Variants in NBEA observed in about 807,000 individuals in gnomAD.
NBEA encodes the protein lysosomal-trafficking regulator 2.
A neutral mutation model predicts 343.4 loss-of-function variants in NBEA; 44 were observed. The ratio of observed to expected loss-of-function variants is 0.13; its 90% confidence interval spans 0.10 to 0.16. NBEA has a LOEUF of 0.16. Among genes scored for constraint, NBEA ranks in the 10% least tolerant of loss-of-function variants. The pLI is 1.00. For missense variants in NBEA, 2,555 were observed against 3,631.3 expected, an observed-to-expected ratio of 0.70 and a Z score of 7.62; for synonymous variants, 1,175 against 1,238.7, an observed-to-expected ratio of 0.95 and a Z score of 1.08.
chr13:35,596,160 A>G (rs755164811), intron 47 of NBEA, among the ~76,000 whole-genome samples: 4 of 151,810 alleles, frequency 2.6e-5, no homozygotes, highest in Non-Finnish European at 5.9e-5. Flanking sequence ...ATTCCCCTCT[A>G]TAGCATCAGA....
chr13:35,465,621 T>C (rs1251342602), intron 40 of NBEA, among the ~76,000 whole-genome samples: 2 of 152,170 alleles, frequency 1.3e-5, no homozygotes, highest in Non-Finnish European at 1.5e-5. Flanking sequence ...AAATGTAATA[T>C]AACTGGAAAC....
At position 35,511,088 on chromosome 13, in the gene NBEA, A is replaced by G. The variant is rs544399332; in HGVS notation, c.6585+38552A>G. On this transcript the variant is annotated intron_variant, in intron 41 of 58. Transcript: ENST00000379939. ...ATTGAAGGAAATGTATGTTTCTTTT[A>G]AAATAATGTGATCCATTTAAATATC... Among the ~76,000 whole-genome samples, 17 of 152,322 alleles carry G rather than the reference A, an allele frequency of 1.1e-4. No homozygotes were observed. In the South Asian group the frequency reaches 3.3e-3, roughly 30 times the overall value.
chr13:35,473,936 CA>C (rs1274463578), intron 41 of NBEA, among the ~76,000 whole-genome samples: 1 of 151,982 alleles, frequency 6.6e-6, no homozygotes, highest in Non-Finnish European at 1.5e-5. Flanking sequence ...CTTATATTAT[CA>C]AAAATGCTAC....
intron 1 of NBEA, among the ~76,000 whole-genome samples, chr13:34,995,997 C>G (rs2060928446): frequency 6.6e-6 from 1 of 152,296 alleles, no homozygotes; most frequent in African/African-American, 2.4e-5. Flanking sequence ...TAACTTGTAG[C>G]TGTTGAAGCT....
At chr13:35,471,564 A>G (rs991072511) in intron 40 of NBEA, among the ~76,000 whole-genome samples, 22 of 152,176 alleles carry the variant, frequency 1.4e-4, no homozygotes, top group Non-Finnish European at 2.4e-4. Flanking sequence ...CATTTAGGTA[A>G]TATCCCATTT....
At chr13:35,380,256 C>A (rs2152891372) in intron 38 of NBEA, among the ~76,000 whole-genome samples, 1 of 152,070 alleles carries the variant, frequency 6.6e-6, no homozygotes, top group Non-Finnish European at 1.5e-5. Flanking sequence ...ACCAGCCTCG[C>A]CAACATGGTG....
intron 33 of NBEA, among the ~76,000 whole-genome samples, chr13:35,223,498 ATTC>A (rs1285197378): frequency 6.6e-6 from 1 of 152,148 alleles, no homozygotes; most frequent in Non-Finnish European, 1.5e-5. Context: ...TGAGAATGTC[ATTC>A]TTATCTTTGT....
intron 34 of NBEA, among the ~76,000 whole-genome samples, chr13:35,285,668 C>T (rs2035371866): frequency 6.6e-6 from 1 of 152,276 alleles, no homozygotes; most frequent in South Asian, 2.1e-4. Flanking sequence ...CTTGCATTGT[C>T]ACCATCTTGA....
intron 58 of NBEA, among the ~76,000 whole-genome samples, chr13:35,669,648 G>A (rs2085513052): frequency 6.6e-6 from 1 of 152,192 alleles, no homozygotes; most frequent in South Asian, 2.1e-4. Context: ...TGTTTCCAGA[G>A]TGTTTGAAAT....
intron 45 of NBEA, among the ~76,000 whole-genome samples, chr13:35,576,398 A>T (rs1184935296): frequency 6.6e-6 from 1 of 152,132 alleles, no homozygotes; most frequent in Non-Finnish European, 1.5e-5. Flanking sequence ...GATTACAGGC[A>T]TGAGCCACTG....
At chr13:35,215,527 A>G (rs1205157995) in intron 33 of NBEA, among the ~76,000 whole-genome samples, 2 of 151,744 alleles carry the variant, frequency 1.3e-5, no homozygotes, top group Non-Finnish European at 3.0e-5. Context: ...CTTAAAAAAT[A>G]GCAAATCAGT....
chr13:34,955,915 C>T (rs916361227), intron 1 of NBEA, among the ~76,000 whole-genome samples: 1 of 152,122 alleles, frequency 6.6e-6, no homozygotes, highest in Non-Finnish European at 1.5e-5. Flanking sequence ...CACAGACATT[C>T]AGAATAATAT....
At chr13:35,353,091 A>C (rs2152866260) in intron 38 of NBEA, among the ~76,000 whole-genome samples, 1 of 152,316 alleles carries the variant, frequency 6.6e-6, no homozygotes, top group Middle Eastern at 3.4e-3. Context: ...TGTTTGACAA[A>C]GTTGGCTGGT....
chr13:35,095,319 A>G (rs1358427395), intron 10 of NBEA, among the ~76,000 whole-genome samples: 4 of 150,870 alleles, frequency 2.7e-5, no homozygotes, highest in South Asian at 4.1e-4. Context: ...ATAAATATAT[A>G]TATTTTATTA....
chr13:35,670,823 T>G, intron 58 of NBEA, 78 bp from the exon 59 acceptor site: 3 of 969,854 alleles, frequency 3.1e-6, no homozygotes, highest in South Asian at 1.4e-5. Flanking sequence ...TGCCAAACTT[T>G]GAGATACTGT....
At chr13:35,211,501 G>C (rs1007973359) in intron 33 of NBEA, among the ~76,000 whole-genome samples, 1 of 152,054 alleles carries the variant, frequency 6.6e-6, no homozygotes, top group Non-Finnish European at 1.5e-5. Context: ...CATCTTTGGG[G>C]GGTGATAAAA....
intron 38 of NBEA, among the ~76,000 whole-genome samples, chr13:35,407,517 CA>C (rs11355447): frequency 0.55 from 74,600 of 135,044 alleles, 21,011 homozygotes; most frequent in South Asian, 0.67. Context: ...TGCATCATTT[CA>C]AAAAAAAAAA....
intron 39 of NBEA, among the ~76,000 whole-genome samples, chr13:35,435,123 G>A (rs1305606847): frequency 6.6e-6 from 1 of 152,018 alleles, no homozygotes; most frequent in Non-Finnish European, 1.5e-5. Context: ...TCACCTCCTG[G>A]GTTCAAGCGA....
At chr13:35,167,743 T>A (rs2070150562) in intron 24 of NBEA, among the ~76,000 whole-genome samples, 13 of 151,970 alleles carry the variant, frequency 8.6e-5, no homozygotes, top group Admixed American at 3.9e-4. Context: ...ACTAGTTAAT[T>A]GAATCCTCTC....
Sources: allele counts gnomAD v4.1 joint callset (sites outside exome capture counted in the v4.1 genomes callset), GRCh38; gene constraint gnomAD v4.1.1; transcripts MANE v1.5; gene names NCBI Gene and HGNC (gene_info 2026-07-23, HGNC 2026-07-21).